SEMA3A: variants seen among roughly 807,000 people sequenced by gnomAD.
SEMA3A encodes the protein semaphorin-3A.
SEMA3A carries 29 observed loss-of-function variants against 97.9 expected under a neutral mutation model. The observed-to-expected ratio is 0.30, with a 90% CI of 0.22 to 0.40. SEMA3A has a LOEUF of 0.40. Ranked by LOEUF, SEMA3A falls within the 10% of genes least tolerant of loss-of-function variation. The probability of loss-of-function intolerance (pLI) is 1.00; values close to 1 mark genes in which losing one functional copy is unlikely to be tolerated. For synonymous variants in SEMA3A, 321 were observed against 323.7 expected, an observed-to-expected ratio of 0.99 and a Z score of 0.09; for missense variants, 763 against 951.3, an observed-to-expected ratio of 0.80 and a Z score of 2.60.
chr7:84,120,828 A>G (rs1795588521), intron 3 of SEMA3A, among the ~76,000 whole-genome samples: 1 of 152,162 alleles, frequency 6.6e-6, no homozygotes, highest in Non-Finnish European at 1.5e-5. Context: ...CATGAATACT[A>G]ACAAAAGATT....
chr7:84,452,823 AT>A (rs961804539), intron 1 of SEMA3A, among the ~76,000 whole-genome samples: 2 of 152,010 alleles, frequency 1.3e-5, no homozygotes, highest in Non-Finnish European at 2.9e-5. Flanking sequence ...CAGAGGTGTC[AT>A]TTTTCTTTTT....
chr7:84,018,754 G>A (rs559177909), intron 6 of SEMA3A, among the ~76,000 whole-genome samples: 2 of 152,284 alleles, frequency 1.3e-5, no homozygotes, highest in East Asian at 3.9e-4. Flanking sequence ...AATGATGACA[G>A]TAAGTTAAGC....
chr7:84,095,358 C>CACACACACATATATATATAT (rs1211794166), intron 4 of SEMA3A, among the ~76,000 whole-genome samples: 15 of 122,888 alleles, frequency 1.2e-4, no homozygotes, highest in African/African-American at 5.2e-4. Flanking sequence ...TTTTTATATA[C>CACACACACATATATATATAT]ATATATATAT....
chr7:84,267,079 C>T (rs1800025181), intron 3 of SEMA3A, among the ~76,000 whole-genome samples: 1 of 151,966 alleles, frequency 6.6e-6, no homozygotes, highest in Non-Finnish European at 1.5e-5. Flanking sequence ...CATCTCAAAT[C>T]CAAAAATCCC....
chr7:83,977,166 T>A lies in SEMA3A; in HGVS notation c.1683A>T (p.Gly561=). ...RRTRRQDIRN[G]DPLTHCSDLH... The stretch of plus-strand genomic sequence containing the variant: ...AGTCTGAACAGTGAGTCAGTGGGTC[T>A]CCATTTCTTATATCTTGTCGTCTTG... Residue 561 remains glycine, a synonymous_variant, in exon 15 of 17, where the codon GGA becomes GGT. Transcript: ENST00000265362. The A allele has an allele frequency of 6.3e-7, 1 of 1,592,718 alleles. No individual in the cohort carries two copies. The highest frequency in any genetic ancestry group is 8.6e-7 in the Non-Finnish European group (1 of 1,167,834).
chr7:84,359,965 C>A (rs1014314059), intron 2 of SEMA3A, among the ~76,000 whole-genome samples: 122 of 150,180 alleles, frequency 8.1e-4, no homozygotes, highest in Admixed American at 2.1e-3. Flanking sequence ...GTTTGTATTT[C>A]TGTGGGATCG....
chr7:84,295,534 C>G, intron 3 of SEMA3A, among the ~76,000 whole-genome samples: 1 of 152,000 alleles, frequency 6.6e-6, no homozygotes, highest in Non-Finnish European at 1.5e-5. Flanking sequence ...TTTCTATTGA[C>G]TGTGTGATTT....
chr7:84,194,161 GAATTA>G (rs1798138058), intron 1 of SEMA3A, among the ~76,000 whole-genome samples: 1 of 152,060 alleles, frequency 6.6e-6, no homozygotes, highest in African/African-American at 2.4e-5. Context: ...TATTTTAATA[GAATTA>G]AAGTCGGAAA....
At chr7:84,043,047 G>T (rs1291642107) in intron 6 of SEMA3A, among the ~76,000 whole-genome samples, 1 of 151,700 alleles carries the variant, frequency 6.6e-6, no homozygotes, top group African/African-American at 2.4e-5. Context: ...TGTAGTACAA[G>T]AAAAAAATAC....
chr7:83,983,954 A>G (rs1789523699), intron 13 of SEMA3A, among the ~76,000 whole-genome samples: 1 of 152,324 alleles, frequency 6.6e-6, no homozygotes, highest in East Asian at 1.9e-4. Flanking sequence ...AATGAAATTG[A>G]GTCATATCTG....
chr7:84,095,358 C>CACACACACATATATATATATATAT (rs1211794166), intron 4 of SEMA3A, among the ~76,000 whole-genome samples: 4 of 122,902 alleles, frequency 3.3e-5, no homozygotes, highest in African/African-American at 1.4e-4. Flanking sequence ...TTTTTATATA[C>CACACACACATATATATATATATAT]ATATATATAT....
chr7:84,378,850 A>G (rs1270304001), intron 1 of SEMA3A, among the ~76,000 whole-genome samples: 1 of 151,908 alleles, frequency 6.6e-6, no homozygotes, highest in African/African-American at 2.4e-5. Context: ...TTTTTTTCTG[A>G]TCAATAGGAA....
chr7:84,299,158 C>G (rs1800935672), intron 3 of SEMA3A, among the ~76,000 whole-genome samples: 1 of 151,860 alleles, frequency 6.6e-6, no homozygotes, highest in Non-Finnish European at 1.5e-5. Context: ...AACTTGCAGA[C>G]AGCCTATTGT....
rs1459182802 is a variant in SEMA3A at position 83,956,301 on chromosome 7, G to T, written c.*5070C>A. ...AGTAGTCTAATGCTAGCTGAGTGAG[G>T]TAAGGCTGTAGGTAGGTGAAATGTA... On this transcript the variant is annotated 3_prime_UTR_variant, in exon 17 of 17. Transcript: ENST00000265362. The T allele has an allele frequency of 6.6e-6, 1 of 152,158 alleles. No homozygotes were observed. Among genetic ancestry groups the T allele is most frequent in the African/African-American group, 2.4e-5 (1 of 41,440 alleles). 9.4% of individuals were successfully genotyped at this position (152,158 alleles called of 1,614,324 possible).
intron 1 of SEMA3A, among the ~76,000 whole-genome samples, chr7:84,452,932 ATCTT>A (rs946143652): frequency 1.3e-5 from 2 of 152,118 alleles, no homozygotes; most frequent in African/African-American, 4.8e-5. Context: ...GGGGAAGTAA[ATCTT>A]TATACACTGT....
At chr7:84,181,496 G>T (rs1450940809) in intron 1 of SEMA3A, among the ~76,000 whole-genome samples, 2 of 152,066 alleles carry the variant, frequency 1.3e-5, no homozygotes, top group South Asian at 2.1e-4. Flanking sequence ...ATAGACTGAC[G>T]TAATTATGTC....
At chr7:84,437,563 G>T (rs1805167547) in intron 1 of SEMA3A, among the ~76,000 whole-genome samples, 1 of 143,638 alleles carries the variant, frequency 7.0e-6, no homozygotes. Flanking sequence ...TTCTAATGCT[G>T]GCTTTTTTTT....
intron 3 of SEMA3A, among the ~76,000 whole-genome samples, chr7:84,274,461 GGA>G (rs1322978945): frequency 6.6e-6 from 1 of 152,068 alleles, no homozygotes; most frequent in Non-Finnish European, 1.5e-5. Flanking sequence ...AGTCTGAGAG[GGA>G]ACACATTCCC....
Position 84,067,774 on chromosome 7 carries a change from C to T in SEMA3A, c.454-7216G>A, listed in dbSNP as rs1793579508. 3.3e-5 allele frequency among the ~76,000 whole-genome samples: 5 copies of T among 150,208 alleles called. 1 individual carries two copies. In the South Asian group the frequency reaches 1.0e-3, roughly 31 times the overall value. On this transcript the variant is annotated intron_variant, in intron 4 of 16. Transcript: ENST00000265362. ...CAATCATTAAAAAGTCAGGAAACAACAGGTGCTGGAGAGGATGTGGAGAAA... is the reference window on the plus strand; with the variant it reads ...CAATCATTAAAAAGTCAGGAAACAATAGGTGCTGGAGAGGATGTGGAGAAA...
Sources: allele counts gnomAD v4.1 joint callset (sites outside exome capture counted in the v4.1 genomes callset), GRCh38; gene constraint gnomAD v4.1.1; transcripts MANE v1.5; gene names NCBI Gene and HGNC (gene_info 2026-07-23, HGNC 2026-07-21).